JARID2: variants seen among roughly 807,000 people sequenced by gnomAD.
JARID2 encodes jumonji and AT-rich interaction domain containing 2.
In JARID2, 21 loss-of-function variants were observed where a neutral mutation model predicts 125.6. The observed-to-expected ratio is 0.17, with a 90% confidence interval of 0.12 to 0.24. JARID2 has a LOEUF of 0.24. JARID2 is among the 10% of genes least tolerant of loss of function. The pLI is 1.00. For missense variants in JARID2, 1,303 were observed against 1,639.6 expected (o/e 0.79, Z 3.55); for synonymous variants, 736 against 661.6 (o/e 1.11, Z -1.73).
intron 3 of JARID2, among the ~76,000 whole-genome samples, chr6:15,428,940 CAA>C (rs56334116): frequency 0.081 from 9,439 of 116,452 alleles, 527 homozygotes; most frequent in African/African-American, 0.14. Context: ...ACCCCCCCCC[CAA>C]AAAAAAAAAA....
At chr6:15,344,735 C>T (rs1763191092) in intron 1 of JARID2, among the ~76,000 whole-genome samples, 1 of 152,064 alleles carries the variant, frequency 6.6e-6, no homozygotes, top group South Asian at 2.1e-4. Flanking sequence ...CCCAGGTTGT[C>T]TCTTACTTGT....
chr6:15,354,153 G>A (rs147168332), intron 1 of JARID2, among the ~76,000 whole-genome samples: 14 of 152,186 alleles, frequency 9.2e-5, no homozygotes, highest in Non-Finnish European at 1.6e-4. Flanking sequence ...AATCACAAGC[G>A]TCCTTATTAA....
intron 1 of JARID2, among the ~76,000 whole-genome samples, chr6:15,347,591 A>G (rs913121604): frequency 5.3e-5 from 8 of 152,244 alleles, no homozygotes; most frequent in African/African-American, 1.4e-4. Flanking sequence ...AATGAGATGA[A>G]GAATGAGATA....
chr6:15,495,992 C>T (rs1253154073), intron 6 of JARID2, 140 bp from the exon 7 acceptor site: 4 of 712,540 alleles, frequency 5.6e-6, no homozygotes, highest in African/African-American at 1.8e-5. Context: ...GGTATTTCCA[C>T]ATCTCTTCTT....
chr6:15,487,167 C>T, intron 5 of JARID2, 140 bp from the exon 6 acceptor site: 1 of 696,412 alleles, frequency 1.4e-6, no homozygotes, highest in Non-Finnish European at 2.5e-6. Context: ...CAGTCACCTC[C>T]CACCAGTTCC....
intron 1 of JARID2, among the ~76,000 whole-genome samples, chr6:15,343,646 G>T (rs548061781): frequency 2.4e-4 from 36 of 152,128 alleles, no homozygotes; most frequent in Non-Finnish European, 4.4e-4. Flanking sequence ...CTGTCACTGT[G>T]TCCCCCAACA....
chr6:15,412,335 G>T (rs376425651), intron 3 of JARID2, among the ~76,000 whole-genome samples: 5 of 152,250 alleles, frequency 3.3e-5, no homozygotes, highest in African/African-American at 1.2e-4. Context: ...GGAGACAAGA[G>T]TCTCGCTCTG....
Position 15,501,297 on chromosome 6 carries a change from A to G in JARID2, c.2336A>G (p.Gln779Arg), listed in dbSNP as rs201374020. ...GFRSKLKEVGQAQLKTGRRRL... is the reference protein window; with the variant it reads ...GFRSKLKEVGRAQLKTGRRRL... ...CGCAGCAAGCTCAAGGAGGTGGGCC[A>G]GGCCCAGTTGAAGACTGGCCGGCGG... The change falls in exon 8 of 18, where the codon CAG becomes CGG. Residue 779 changes from glutamine to arginine, a missense_variant. Gln to Arg is a conservative substitution (Grantham distance 43, BLOSUM62 1). Coordinates refer to ENST00000341776, the MANE Select transcript of JARID2 (RefSeq NM_004973.4). The G allele has an allele frequency of 7.3e-5, 118 of 1,613,010 alleles. 1 individual carries two copies. In the East Asian group the frequency reaches 2.6e-3, roughly 36 times the overall value.
intron 3 of JARID2, among the ~76,000 whole-genome samples, chr6:15,442,705 C>A (rs1363757938): frequency 1.3e-5 from 2 of 152,122 alleles, no homozygotes; most frequent in Admixed American, 1.3e-4. Flanking sequence ...GGCTTTGTTG[C>A]CACTTTAATT....
chr6:15,505,889 A>G (rs1343002914), intron 9 of JARID2, among the ~76,000 whole-genome samples: 1 of 152,234 alleles, frequency 6.6e-6, no homozygotes, highest in Non-Finnish European at 1.5e-5. Context: ...GGCGGAGGAC[A>G]CTTGGCTTTC....
intron 1 of JARID2, among the ~76,000 whole-genome samples, chr6:15,271,433 A>C (rs2077314959): frequency 6.6e-6 from 1 of 152,160 alleles, no homozygotes; most frequent in Non-Finnish European, 1.5e-5. Flanking sequence ...TTTAAATCTC[A>C]CATCTCTGTC....
chr6:15,377,035 T>C (rs1347398839), intron 2 of JARID2, among the ~76,000 whole-genome samples: 4 of 152,196 alleles, frequency 2.6e-5, no homozygotes, highest in African/African-American at 9.7e-5. Flanking sequence ...AAAATCCCTT[T>C]AGTTTGAGTG....
intron 5 of JARID2, 89 bp downstream of exon 5, chr6:15,468,807 A>C: frequency 1.5e-6 from 2 of 1,307,914 alleles, no homozygotes; most frequent in Non-Finnish European, 2.1e-6. Flanking sequence ...AGATGAGATG[A>C]AGGCAAAGCT....
chr6:15,277,731 G>T (rs1405432102), intron 1 of JARID2, among the ~76,000 whole-genome samples: 1 of 146,812 alleles, frequency 6.8e-6, no homozygotes, highest in East Asian at 2.0e-4. Context: ...AGACAACAGA[G>T]AACAGCTTTC....
At chr6:15,479,610 AAG>A (rs1473551823) in intron 5 of JARID2, among the ~76,000 whole-genome samples, 1 of 152,222 alleles carries the variant, frequency 6.6e-6, no homozygotes, top group African/African-American at 2.4e-5. Context: ...ATCAAAGTGA[AAG>A]AGATTTCATT....
chr6:15,508,324 ACT>A lies in JARID2; in HGVS notation c.2732-13_2732-12del, dbSNP rs1771108940. On this transcript the variant is annotated splice_polypyrimidine_tract_variant and intron_variant, in intron 11 of 17. Transcript: ENST00000341776. ...CCTAGCTTTTAAAAATGCCCTTTTC[ACT>A]CTTTCTGTTTTAGGAGTGACTATTC... 1 of 1,343,940 alleles carries A rather than the reference ACT, an allele frequency of 7.4e-7. No individual in the cohort carries two copies. The highest frequency in any genetic ancestry group is 1.4e-5 in the African/African-American group (1 of 69,230). The allele number at this position is 1,343,940 out of a possible 1,614,324, so 83.3% of individuals were successfully genotyped here.
At position 15,520,898 on chromosome 6, in the gene JARID2, G is replaced by GCT. The variant is rs1303588757; in HGVS notation, c.*648_*649insTC. On this transcript the variant is annotated 3_prime_UTR_variant, in exon 18 of 18. Transcript: ENST00000341776. ...GGGCTCTCCACCAGCACATCACTAT[G>GCT]CATCTGTTCCAGGAAAGAAGAAAAG... 4.4e-6 allele frequency: 2 copies of GCT among 450,926 alleles called. No individual in the cohort carries two copies. Among genetic ancestry groups the GCT allele is most frequent in the African/African-American group, 2.0e-5 (1 of 49,976 alleles). 27.9% of individuals were successfully genotyped at this position (450,926 alleles called of 1,614,324 possible). A position where few individuals can be genotyped will look rare whatever the true frequency, so the allele number is the denominator to read the frequency against.
At chr6:15,369,051 C>T (rs757259240) in intron 1 of JARID2, among the ~76,000 whole-genome samples, 1 of 151,944 alleles carries the variant, frequency 6.6e-6, no homozygotes, top group Non-Finnish European at 1.5e-5. Context: ...TAGCCCGGAC[C>T]GTCAGCTGTG....
At chr6:15,462,045 A>G (rs957096573) in intron 4 of JARID2, among the ~76,000 whole-genome samples, 5 of 152,328 alleles carry the variant, frequency 3.3e-5, no homozygotes, top group African/African-American at 1.2e-4. Context: ...ATCCCTCTTC[A>G]TACCAGAAAG....
Sources: allele counts gnomAD v4.1 joint callset (sites outside exome capture counted in the v4.1 genomes callset), GRCh38; gene constraint gnomAD v4.1.1; transcripts MANE v1.5; gene names NCBI Gene and HGNC (gene_info 2026-07-23, HGNC 2026-07-21).